PCSK6: variants seen among roughly 807,000 people sequenced by gnomAD.
PCSK6 encodes the protein proprotein convertase subtilisin/kexin type 6.
A neutral mutation model predicts 123.3 loss-of-function variants in PCSK6; 85 were observed. The observed-to-expected ratio is 0.69, with a 90% CI of 0.58 to 0.83. The LOEUF is 0.83. Among genes scored for constraint, PCSK6 ranks in the 40% least tolerant of loss-of-function variants. PCSK6 has a pLI of 0.00. For missense variants in PCSK6, 1,191 were observed against 1,282.3 expected (o/e 0.93, Z 1.09); for synonymous variants, 508 against 516.0 (o/e 0.98, Z 0.21).
intron 1 of PCSK6, among the ~76,000 whole-genome samples, chr15:101,454,763 C>T (rs111679574): frequency 1.3e-5 from 2 of 151,870 alleles, no homozygotes; most frequent in South Asian, 2.1e-4. Flanking sequence ...TGGCCAACAG[C>T]GTGAAACCCC....
At chr15:101,377,104 T>C (rs2934996) in intron 11 of PCSK6, among the ~76,000 whole-genome samples, 33,642 of 152,198 alleles carry the variant, frequency 0.22, 5,097 homozygotes, top group African/African-American at 0.42. Context: ...GGTTGACCTG[T>C]GTCTGATCCG....
At chr15:101,392,427 G>A (rs4965842) in intron 8 of PCSK6, among the ~76,000 whole-genome samples, 28,815 of 152,046 alleles carry the variant, frequency 0.19, 2,916 homozygotes, top group South Asian at 0.3. Flanking sequence ...AAATAACTTC[G>A]AAAGATGTGG....
At chr15:101,342,896 C>T (rs1366479951) in intron 13 of PCSK6, among the ~76,000 whole-genome samples, 4 of 143,546 alleles carry the variant, frequency 2.8e-5, no homozygotes, top group African/African-American at 5.5e-5. Flanking sequence ...AGTGAGACTC[C>T]GTCTCAAAAA....
rs969901665 is a variant in PCSK6 at position 101,429,920 on chromosome 15, C to G, written c.734+67G>C. 1.3e-5 allele frequency: 18 copies of G among 1,368,500 alleles called. 2 individuals are homozygous for G. The Admixed American group carries it at 2.0e-4, about 15-fold the overall frequency. The allele number at this position is 1,368,500 out of a possible 1,614,324, so 84.8% of individuals were successfully genotyped here. A position where few individuals can be genotyped will look rare whatever the true frequency, so the allele number is the denominator to read the frequency against. ...CCACCGCCTCTCCAGCTCCCTCGCA[C>G]ACACATTCAATAGTGACGCTGCAGG... On this transcript the variant is annotated intron_variant, in intron 5 of 21. Coordinates refer to ENST00000611716, the MANE Select transcript of PCSK6 (RefSeq NM_002570.5).
chr15:101,381,408 G>A (rs1477852687), intron 11 of PCSK6, among the ~76,000 whole-genome samples: 1 of 152,132 alleles, frequency 6.6e-6, no homozygotes, highest in African/African-American at 2.4e-5. Flanking sequence ...AACAGATTTA[G>A]AAACACTTAC....
intron 13 of PCSK6, among the ~76,000 whole-genome samples, chr15:101,363,515 C>T (rs922108487): frequency 2.6e-5 from 4 of 152,210 alleles, no homozygotes; most frequent in East Asian, 1.9e-4. Context: ...TTTTAATACT[C>T]GGCCAATACA....
chr15:101,346,244 G>T (rs1205791332), intron 13 of PCSK6: 1 of 152,214 alleles, frequency 6.6e-6, no homozygotes, highest in Non-Finnish European at 1.5e-5. Flanking sequence ...TTCAGGAGAA[G>T]GCTTTTTGTA....
intron 6 of PCSK6, among the ~76,000 whole-genome samples, chr15:101,406,886 C>T (rs185697444): frequency 3.9e-5 from 6 of 152,330 alleles, no homozygotes; most frequent in South Asian, 2.1e-4. Context: ...TAGCCAGCGA[C>T]GCTCCTTATG....
intron 13 of PCSK6, among the ~76,000 whole-genome samples, chr15:101,356,505 CAAAAAAAAA>C (rs34350017): frequency 7.0e-5 from 6 of 86,248 alleles, no homozygotes; most frequent in African/African-American, 1.8e-4. Context: ...ACTAAAACTA[CAAAAAAAAA>C]AAAAAAAAAA....
intron 1 of PCSK6, among the ~76,000 whole-genome samples, chr15:101,489,161 C>T (rs1452690181): frequency 1.1e-5 from 1 of 87,604 alleles, no homozygotes; most frequent in Non-Finnish European, 2.6e-5. Context: ...GACCCCAGTC[C>T]CCCCCACCCC....
intron 1 of PCSK6, among the ~76,000 whole-genome samples, chr15:101,448,710 T>A (rs886279169): frequency 1.3e-5 from 2 of 152,356 alleles, no homozygotes; most frequent in East Asian, 3.9e-4. Flanking sequence ...ATTTAGTCAA[T>A]GAACAGTCAG....
chr15:101,426,293 C>T (rs898674752), intron 6 of PCSK6, among the ~76,000 whole-genome samples: 1 of 152,150 alleles, frequency 6.6e-6, no homozygotes, highest in Non-Finnish European at 1.5e-5. Context: ...GTCATTTCAC[C>T]CCACAGGTAA....
At chr15:101,416,746 G>C (rs1027089222) in intron 6 of PCSK6, among the ~76,000 whole-genome samples, 1 of 152,248 alleles carries the variant, frequency 6.6e-6, no homozygotes. Context: ...TACAGCTTGG[G>C]CTGTGGCTTC....
At chr15:101,399,047 C>T (rs2042508860) in intron 6 of PCSK6, among the ~76,000 whole-genome samples, 1 of 152,144 alleles carries the variant, frequency 6.6e-6, no homozygotes, top group Non-Finnish European at 1.5e-5. Flanking sequence ...GGACTACAGG[C>T]ACATACCACC....
intron 1 of PCSK6, among the ~76,000 whole-genome samples, chr15:101,482,786 CT>C (rs2057922756): frequency 1.0e-5 from 1 of 100,120 alleles, no homozygotes; most frequent in Non-Finnish European, 2.2e-5. Flanking sequence ...AGTCCTGATT[CT>C]GAGTCTGCTC....
chr15:101,374,269 A>C (rs897037097), intron 11 of PCSK6, among the ~76,000 whole-genome samples: 1 of 148,682 alleles, frequency 6.7e-6, no homozygotes, highest in Non-Finnish European at 1.5e-5. Context: ...CAGACCACAG[A>C]TATGTTGGCC....
intron 1 of PCSK6, among the ~76,000 whole-genome samples, chr15:101,466,923 G>C (rs1213876837): frequency 6.6e-6 from 1 of 152,008 alleles, no homozygotes; most frequent in Non-Finnish European, 1.5e-5. Flanking sequence ...TATCAGATGG[G>C]GTGCGGGGAC....
At chr15:101,452,625 T>G (rs1430492521) in intron 1 of PCSK6, among the ~76,000 whole-genome samples, 1 of 151,940 alleles carries the variant, frequency 6.6e-6, no homozygotes, top group Admixed American at 6.6e-5. Context: ...GGCGCTCACA[T>G]GGGGGAACGT....
At chr15:101,382,946 G>A (rs2041949788) in intron 10 of PCSK6, among the ~76,000 whole-genome samples, 1 of 152,158 alleles carries the variant, frequency 6.6e-6, no homozygotes, top group South Asian at 2.1e-4. Flanking sequence ...TAAAAGGAAT[G>A]TCCCTCGGCA....
Sources: gnomAD v4.1 joint callset for allele counts (sites outside exome capture counted in the v4.1 genomes callset) on GRCh38, gnomAD v4.1.1 for gene constraint, MANE v1.5 for transcripts, NCBI Gene and HGNC (gene_info 2026-07-23, HGNC 2026-07-21) for gene names.